Variants in DHTKD1 observed in about 807,000 individuals in gnomAD.
The protein encoded by DHTKD1 is 2-oxoadipate dehydrogenase complex component E1.
Under a neutral mutation model 101.8 loss-of-function variants are expected in DHTKD1, and 78 were observed. The ratio of observed to expected loss-of-function variants is 0.77; its 90% CI spans 0.64 to 0.93. DHTKD1 has a LOEUF of 0.93. DHTKD1 is among the 40% of genes least tolerant of loss of function. The pLI is 0.00. For synonymous variants in DHTKD1, 462 were observed against 450.3 expected (o/e 1.03, Z -0.33); for missense variants, 1,223 against 1,161.7 (o/e 1.05, Z -0.77).
rs74791592 is a variant in DHTKD1, at chr10:12,084,905, G to A, written c.522+154G>A. ...ATCTCTACTAAAAATACGAAAATTA[G>A]CCAGGCATGCTGGTGCATGCCTGTA... On this transcript the variant is annotated intron_variant, in intron 3 of 16. Transcript: ENST00000263035. 0.019 allele frequency among the ~76,000 whole-genome samples: 2,904 copies of A among 152,164 alleles called. 92 individuals are homozygous for A. Among genetic ancestry groups the A allele is most frequent in the African/African-American group, 0.067 (2,772 of 41,508 alleles).
At chr10:12,100,103 A>C in intron 8 of DHTKD1, 75 bp from the exon 9 acceptor site, 1 of 861,902 alleles carries the variant, frequency 1.2e-6, no homozygotes. Flanking sequence ...GCCTGCATTA[A>C]ATTTTTTGTA....
chr10:12,077,658 G>T (rs1832754549), intron 1 of DHTKD1, among the ~76,000 whole-genome samples: 1 of 152,206 alleles, frequency 6.6e-6, no homozygotes, highest in Non-Finnish European at 1.5e-5. Flanking sequence ...GGTTTATAAA[G>T]AGAGAACTAA....
intron 1 of DHTKD1, among the ~76,000 whole-genome samples, chr10:12,073,213 A>G (rs1832676752): frequency 6.6e-6 from 1 of 151,748 alleles, no homozygotes; most frequent in African/African-American, 2.4e-5. Flanking sequence ...TTATATTTTT[A>G]GTAGAGACGT....
At chr10:12,083,165 A>G (rs535829318) in intron 2 of DHTKD1, among the ~76,000 whole-genome samples, 1 of 151,970 alleles carries the variant, frequency 6.6e-6, no homozygotes, top group South Asian at 2.1e-4. Flanking sequence ...CTCAAAAAAA[A>G]AAAAAGAAAC....
Position 12,107,871 on chromosome 10 carries a change from T to G in DHTKD1, c.2048-38T>G. On this transcript the variant is annotated intron_variant, in intron 11 of 16. Coordinates refer to ENST00000263035, the MANE Select transcript of DHTKD1 (RefSeq NM_018706.7). The surrounding 1 kb of genome is among the most constrained non-coding windows in gnomAD (Gnocchi z 4.1). ...TCGTGTCAGGCCACTTTGTCCCCGC[T>G]TCGTAGAGCTCTTACTCCCCACGTG... 7.0e-7 allele frequency: 1 copy of G among 1,427,558 alleles called. No homozygotes were observed. The highest frequency in any genetic ancestry group is 1.2e-5 in the South Asian group (1 of 86,048). The allele number at this position is 1,427,558 out of a possible 1,614,324, so 88.4% of individuals were successfully genotyped here. A position where few individuals can be genotyped will look rare whatever the true frequency, so the allele number is the denominator to read the frequency against.
At position 12,118,845 on chromosome 10, in the gene DHTKD1, C is replaced by G; in HGVS notation, c.2499C>G (p.Ile833Met). ...CCAAGAAGCATGACTTTGCCATCAT[C>G]CGAGTAGAGGAACTCTGCCCCTTCC... is the stretch of plus-strand genomic sequence containing the variant. The part of the protein sequence containing the change: ...LGAKKHDFAI[I>M]RVEELCPFPL... The change falls in exon 15 of 17, where the codon ATC becomes ATG. Residue 833 changes from isoleucine to methionine, a missense_variant. Ile to Met is a conservative substitution (Grantham distance 10). Transcript: ENST00000263035. 1.9e-6 allele frequency: 3 copies of G among 1,609,012 alleles called. No individual in the cohort carries two copies. The highest frequency in any genetic ancestry group is 2.5e-6 in the Non-Finnish European group (3 of 1,178,040).
rs1340006046 is a variant in DHTKD1 at position 12,108,082 on chromosome 10, C to CG, written c.2154+69dup. The CG allele has an allele frequency of 1.2e-5, 15 of 1,216,396 alleles. No homozygotes were observed. The African/African-American group carries it at 1.8e-4, about 15-fold the overall frequency. 75.4% of individuals were successfully genotyped at this position (1,216,396 alleles called of 1,614,324 possible). A position where few individuals can be genotyped will look rare whatever the true frequency, so the allele number is the denominator to read the frequency against. On this transcript the variant is annotated intron_variant, in intron 12 of 16. Transcript: ENST00000263035. ...CTTCCTAGAGCTTTTCTACCTCCTG[C>CG]GGATAGCTTAACGCCCACCTAACTG...
In DHTKD1 at chr10:12,117,710, C is replaced by A; in HGVS notation, c.2357C>A (p.Thr786Lys). The change falls in exon 14 of 17, where the codon ACA (threonine) becomes AAA (lysine). Residue 786 changes from threonine (T) to lysine (K), a missense_variant. Physicochemically the swap from Thr to Lys is moderately conservative, Grantham distance 78. Coordinates refer to ENST00000263035, the MANE Select transcript of DHTKD1 (RefSeq NM_018706.7). ...VSTLQEMAPG[T>K]TFNPVIGDSS... is the part of the protein sequence containing the mutation. ...ACTCTTCAAGAAATGGCACCAGGAA[C>A]AACATTTAACCCGGTCATTGGTGAT... is the stretch of plus-strand genomic sequence containing the variant. 2 of 1,607,774 alleles carry A rather than the reference C, an allele frequency of 1.2e-6. No homozygotes were observed. The highest frequency in any genetic ancestry group is 8.5e-7 in the Non-Finnish European group (1 of 1,176,690).
At chr10:12,072,777 C>A (rs1038687145) in intron 1 of DHTKD1, among the ~76,000 whole-genome samples, 2 of 150,746 alleles carry the variant, frequency 1.3e-5, no homozygotes, top group African/African-American at 2.4e-5. Context: ...GCTCTTGTTG[C>A]CGAGGCTGGA....
intron 10 of DHTKD1, among the ~76,000 whole-genome samples, chr10:12,102,191 T>C (rs963390455): frequency 6.6e-6 from 1 of 151,922 alleles, no homozygotes; most frequent in African/African-American, 2.4e-5. Context: ...TTCGGGAGGC[T>C]GAGGTGGGCA....
chr10:12,117,065 C>T (rs962990957), intron 13 of DHTKD1, among the ~76,000 whole-genome samples: 5 of 151,786 alleles, frequency 3.3e-5, no homozygotes, highest in Non-Finnish European at 5.9e-5. Context: ...TGCAATGGTG[C>T]GATTTCAGCT....
chr10:12,096,830 T>C lies in DHTKD1; in HGVS notation c.1359-854T>C, dbSNP rs112216628. 4.6e-3 allele frequency among the ~76,000 whole-genome samples: 696 copies of C among 152,336 alleles called. 4 individuals are homozygous for C. Among genetic ancestry groups the C allele is most frequent in the Non-Finnish European group, 6.6e-3 (446 of 68,024 alleles). On this transcript the variant is annotated intron_variant, in intron 7 of 16. Coordinates refer to ENST00000263035, the MANE Select transcript of DHTKD1 (RefSeq NM_018706.7). ...GGATGATAGATGCAACCTGAAAGATTGCAACTTTCAGACTGGAGCAACTTT... is the reference window on the plus strand; with the variant it reads ...GGATGATAGATGCAACCTGAAAGATCGCAACTTTCAGACTGGAGCAACTTT...
At chr10:12,083,792 A>G (rs992239547) in intron 2 of DHTKD1, among the ~76,000 whole-genome samples, 2 of 152,234 alleles carry the variant, frequency 1.3e-5, no homozygotes, top group African/African-American at 4.8e-5. Context: ...AAGCAGCAGT[A>G]GGCTCTGTCC....
chr10:12,074,392 G>T (rs984054305), intron 1 of DHTKD1, among the ~76,000 whole-genome samples: 3 of 152,198 alleles, frequency 2.0e-5, no homozygotes, highest in Non-Finnish European at 4.4e-5. Flanking sequence ...GTCTTGCTCT[G>T]TCGCCCAGGC....
Position 12,107,442 on chromosome 10 carries a change from G to A in DHTKD1, c.2048-467G>A, listed in dbSNP as rs1448792816. On this transcript the variant is annotated intron_variant, in intron 11 of 16. Coordinates refer to ENST00000263035, the MANE Select transcript of DHTKD1 (RefSeq NM_018706.7). This position sits in a 1 kb window ranked among gnomAD's most constrained non-coding sequence, Gnocchi z 4.1. ...GGTTATGGCTTTCTTTTTTGAGACG[G>A]TGTCTCACTCTGTCCCTCAGGCTGG... Among the ~76,000 whole-genome samples the A allele has an allele frequency of 6.6e-6, 1 of 151,980 alleles. No homozygotes were observed. The highest frequency in any genetic ancestry group is 1.5e-5 in the Non-Finnish European group (1 of 68,012).
At chr10:12,076,079 A>G (rs947375365) in intron 1 of DHTKD1, among the ~76,000 whole-genome samples, 5 of 151,052 alleles carry the variant, frequency 3.3e-5, no homozygotes, top group Non-Finnish European at 5.9e-5. Flanking sequence ...TATAAGCACA[A>G]AGTCAACTGA....
At position 12,110,067 on chromosome 10, in the gene DHTKD1, G is replaced by A. The variant is rs1410037685; in HGVS notation, c.2154+2052G>A. Among the ~76,000 whole-genome samples the A allele has an allele frequency of 6.6e-6, 1 of 152,164 alleles. No homozygotes were observed. Among genetic ancestry groups the A allele is most frequent in the Non-Finnish European group, 1.5e-5 (1 of 68,018 alleles). The stretch of plus-strand genomic sequence containing the variant: ...TAATCCCAGCACTTTGGGAGGCCGA[G>A]GCGGGCGGATCATGAGGTCAGGAGA... On this transcript the variant is annotated intron_variant, in intron 12 of 16. Transcript: ENST00000263035. This position sits in a 1 kb window ranked among gnomAD's most constrained non-coding sequence, Gnocchi z 4.9.
In DHTKD1 at chr10:12,103,960, A is replaced by G. The variant is rs550285480; in HGVS notation, c.1897-2286A>G. ...CACTATCTAATTTTAGAACATTTTCATTACCCTAGAAAGCAAGCCCATGCC... is the reference window on the plus strand; with the variant it reads ...CACTATCTAATTTTAGAACATTTTCGTTACCCTAGAAAGCAAGCCCATGCC... On this transcript the variant is annotated intron_variant, in intron 10 of 16. Coordinates refer to ENST00000263035, the MANE Select transcript of DHTKD1 (RefSeq NM_018706.7). This position sits in a 1 kb window ranked among gnomAD's most constrained non-coding sequence, Gnocchi z 4.8. Among the ~76,000 whole-genome samples the G allele has an allele frequency of 1.3e-5, 2 of 152,118 alleles. No individual in the cohort carries two copies. Among genetic ancestry groups the G allele is most frequent in the Admixed American group, 6.6e-5 (1 of 15,244 alleles).
intron 14 of DHTKD1, among the ~76,000 whole-genome samples, chr10:12,118,369 C>T (rs76565424): frequency 1.4e-5 from 2 of 144,432 alleles, no homozygotes; most frequent in African/African-American, 2.6e-5. Context: ...TCTCCCGTTT[C>T]TTCTGACATA....
Sources: gnomAD v4.1 joint callset for allele counts (sites outside exome capture counted in the v4.1 genomes callset) on GRCh38, gnomAD v4.1.1 for gene constraint, Gnocchi (gnomAD v3.1) non-coding constraint, MANE v1.5 for transcripts, NCBI Gene and HGNC (gene_info 2026-07-23, HGNC 2026-07-21) for gene names.